Variants in MRPS18A observed in about 807,000 individuals in gnomAD.
MRPS18A encodes the protein mitochondrial ribosomal protein S18A.
In MRPS18A, 20 loss-of-function variants were observed where a neutral mutation model predicts 22.7. The ratio of observed to expected loss-of-function variants is 0.88; its 90% CI spans 0.62 to 1.28. The LOEUF (loss-of-function observed/expected upper bound fraction) is 1.28, where lower values mean the gene tolerates loss of function less well. Ranked by LOEUF, MRPS18A falls within the 50% of genes most tolerant of loss-of-function variation. MRPS18A has a pLI of 0.00. For synonymous variants in MRPS18A, 106 were observed against 99.1 expected (o/e 1.07, Z -0.41); for missense variants, 294 against 262.6 (o/e 1.12, Z -0.83).
chr6:43,678,706 A>T (rs1003055379), intron 2 of MRPS18A, 81 bp from the exon 3 acceptor site: 2 of 1,000,670 alleles, frequency 2.0e-6, no homozygotes, highest in African/African-American at 1.6e-5. Context: ...CCCCAAAATG[A>T]TGGTAATGCT....
intron 5 of MRPS18A, 25 bp downstream of exon 5, chr6:43,675,177 G>C: frequency 6.6e-7 from 1 of 1,505,988 alleles, no homozygotes; most frequent in African/African-American, 1.4e-5. Context: ...GAACGCTCAG[G>C]TTGTTCACAC....
intron 1 of MRPS18A, among the ~76,000 whole-genome samples, chr6:43,683,693 C>T (rs562427509): frequency 6.6e-6 from 1 of 152,296 alleles, no homozygotes; most frequent in East Asian, 1.9e-4. Flanking sequence ...GGGCCAAAAT[C>T]TTTCCAGATA....
chr6:43,671,937 A>C, intron 5 of MRPS18A, 31 bp from the exon 6 acceptor site: 1 of 1,558,522 alleles, frequency 6.4e-7, no homozygotes, highest in Non-Finnish European at 8.7e-7. Flanking sequence ...GGTGCCTGTG[A>C]GGGCTGGGGG....
At chr6:43,687,010 G>A (rs1432827625) in intron 1 of MRPS18A, among the ~76,000 whole-genome samples, 1 of 152,150 alleles carries the variant, frequency 6.6e-6, no homozygotes, top group East Asian at 1.9e-4. Flanking sequence ...TCAGAAAAAG[G>A]GCTGTATTTT....
Position 43,671,767 on chromosome 6 carries a change from G to A in MRPS18A, c.586C>T (p.His196Tyr), listed in dbSNP as rs201063521. Reference sequence around the variant, plus strand: ...TCTGGAAGCACTGCTCTCTGTCAGTGATACAGCTTCCAAGGTGTTCTTGAG... The same window carrying A: ...TCTGGAAGCACTGCTCTCTGTCAGTAATACAGCTTCCAAGGTGTTCTTGAG... ...CYSRTPWKLY[H>Y] is the part of the protein sequence containing the mutation. The change falls in exon 6 of 6, where the codon CAC becomes TAC. Residue 196 changes from histidine (H) to tyrosine (Y), a missense_variant. Coordinates refer to ENST00000372133, the MANE Select transcript of MRPS18A (RefSeq NM_018135.4). The A allele has an allele frequency of 2.0e-5, 32 of 1,614,218 alleles. No homozygotes were observed. Among genetic ancestry groups the A allele is most frequent in the Non-Finnish European group, 2.6e-5 (31 of 1,180,032 alleles).
chr6:43,675,790 T>C (rs1346473902), intron 3 of MRPS18A, among the ~76,000 whole-genome samples, 173 bp from the exon 4 acceptor site: 1 of 152,108 alleles, frequency 6.6e-6, no homozygotes, highest in African/African-American at 2.4e-5. Context: ...CAACAAAGGT[T>C]AATCCCAACT....
At chr6:43,683,679 C>T (rs1274766040) in intron 1 of MRPS18A, among the ~76,000 whole-genome samples, 4 of 152,164 alleles carry the variant, frequency 2.6e-5, no homozygotes, top group South Asian at 2.1e-4. Context: ...TAAACTGGAA[C>T]TAAGGGCCAA....
chr6:43,672,346 G>C (rs1773770415), intron 5 of MRPS18A: 1 of 472,484 alleles, frequency 2.1e-6, no homozygotes, highest in Non-Finnish European at 4.4e-6. Flanking sequence ...GAACTCCCCA[G>C]GGTACTATAA....
intron 1 of MRPS18A, among the ~76,000 whole-genome samples, chr6:43,684,377 G>C (rs1774576589): frequency 6.6e-6 from 1 of 152,086 alleles, no homozygotes; most frequent in African/African-American, 2.4e-5. Flanking sequence ...TGTAGGGTCA[G>C]GGAGAGGTGT....
At chr6:43,675,395 T>A in intron 4 of MRPS18A, 99 bp downstream of exon 4, 1 of 1,597,874 alleles carries the variant, frequency 6.3e-7, no homozygotes, top group Non-Finnish European at 8.6e-7. Context: ...ACACTCCGGA[T>A]ATCCACTTTT....
At position 43,673,654 on chromosome 6, in the gene MRPS18A, C is replaced by T. The variant is rs1321802899; in HGVS notation, c.446+1548G>A. ...GCAAGAACCAAGTCTCTTTCCTAAA[C>T]CAGCCCCTTCCTACCTCTCCTGAAG... is the stretch of plus-strand genomic sequence containing the variant. On this transcript the variant is annotated intron_variant, in intron 5 of 5. Transcript: ENST00000372133. This position sits in a 1 kb window ranked among gnomAD's most constrained non-coding sequence, Gnocchi z 4.2. Among the ~76,000 whole-genome samples the T allele has an allele frequency of 6.6e-6, 1 of 152,184 alleles. No individual in the cohort carries two copies. The highest frequency in any genetic ancestry group is 1.9e-4 in the East Asian group (1 of 5,180).
At position 43,671,719 on chromosome 6, in the gene MRPS18A, C is replaced by A. The variant is rs1411815386; in HGVS notation, c.*43G>T. 1 of 1,611,604 alleles carries A rather than the reference C, an allele frequency of 6.2e-7. No homozygotes were observed. The highest frequency in any genetic ancestry group is 1.1e-5 in the South Asian group (1 of 90,982). On this transcript the variant is annotated 3_prime_UTR_variant, in exon 6 of 6. Coordinates refer to ENST00000372133, the MANE Select transcript of MRPS18A (RefSeq NM_018135.4). The stretch of plus-strand genomic sequence containing the variant: ...GGGCTTGTGAGTGGGCCTCCTACTC[C>A]CCAGCACAGGTGCAGGAGGAACTCT...
intron 2 of MRPS18A, among the ~76,000 whole-genome samples, 174 bp from the exon 3 acceptor site, chr6:43,678,799 C>T (rs962472169): frequency 1.3e-5 from 2 of 152,084 alleles, no homozygotes; most frequent in Admixed American, 1.3e-4. Flanking sequence ...CTGTAGTTGC[C>T]GTATGCTAGG....
chr6:43,675,153 T>C (rs774836778), intron 5 of MRPS18A, 49 bp downstream of exon 5: 10 of 1,445,432 alleles, frequency 6.9e-6, no homozygotes, highest in Non-Finnish European at 9.2e-6. Context: ...TGCACCCTAG[T>C]TTTCCTGAGC....
chr6:43,687,787 A>C lies in MRPS18A; in HGVS notation c.-8T>G. On this transcript the variant is annotated 5_prime_UTR_variant, in exon 1 of 6. Coordinates refer to ENST00000372133, the MANE Select transcript of MRPS18A (RefSeq NM_018135.4). ...AGCCTTGAGGGCCGCCATCTTCAAA[A>C]ACCTACCCTGACCTCTCGTCCATTT... 1.3e-6 allele frequency: 2 copies of C among 1,557,556 alleles called. No individual in the cohort carries two copies. Among genetic ancestry groups the C allele is most frequent in the Non-Finnish European group, 1.7e-6 (2 of 1,150,126 alleles).
chr6:43,675,590 G>A lies in MRPS18A; in HGVS notation c.280C>T (p.Arg94Trp). ...DDVLLLSQFI[R>W]PHGGMLPRKI... Reference sequence around the variant, plus strand: ...CGGGGCAGCATGCCTCCATGAGGCCGGATGAACTGGCTAAGCAGCAGAACA... The same window carrying A: ...CGGGGCAGCATGCCTCCATGAGGCCAGATGAACTGGCTAAGCAGCAGAACA... Residue 94 changes from arginine to tryptophan, a missense_variant, in exon 4 of 6, where the codon CGG becomes TGG. Physicochemically the swap from Arg to Trp is moderately radical, Grantham distance 101 (BLOSUM62 -3). Transcript: ENST00000372133. 4.3e-6 allele frequency: 7 copies of A among 1,613,260 alleles called. No homozygotes were observed. Among genetic ancestry groups the A allele is most frequent in the Non-Finnish European group, 5.1e-6 (6 of 1,179,782 alleles).
chr6:43,672,107 G>A (rs1188099117), intron 5 of MRPS18A: 13 of 650,398 alleles, frequency 2.0e-5, no homozygotes, highest in South Asian at 1.0e-4. Context: ...TCTTGCTGCC[G>A]CAAGCCTGTG....
rs761750411 is a variant in MRPS18A at position 43,678,619 on chromosome 6, C to T, written c.151G>A (p.Gly51Ser). 6.2e-7 allele frequency: 1 copy of T among 1,612,534 alleles called. No homozygotes were observed. Among genetic ancestry groups the T allele is most frequent in the Non-Finnish European group, 8.5e-7 (1 of 1,178,648 alleles). ...TCCTTGGGAGTCGCTGTGATACGGC[C>T]TTCAATCTAGGAGACAGAGAAAGTG... ...TQEGKTTIIE[G>S]RITATPKESP... The change falls in exon 3 of 6, where the codon GGC (glycine) becomes AGC (serine). Residue 51 changes from glycine (G) to serine (S), a missense_variant. Transcript: ENST00000372133.
intron 3 of MRPS18A, 118 bp downstream of exon 3, chr6:43,678,400 C>A: frequency 2.6e-6 from 2 of 757,588 alleles, no homozygotes; most frequent in South Asian, 3.1e-5. Flanking sequence ...ATGCTCCCAT[C>A]TCTGGTGGTT....
Sources: allele counts gnomAD v4.1 joint callset (sites outside exome capture counted in the v4.1 genomes callset), GRCh38; gene constraint gnomAD v4.1.1; non-coding constraint Gnocchi (gnomAD v3.1); transcripts MANE v1.5; gene names NCBI Gene and HGNC (gene_info 2026-07-23, HGNC 2026-07-21).